RBFOX1: variants seen among roughly 807,000 people sequenced by gnomAD.
RBFOX1 encodes RNA binding fox-1 homolog 1, also known as RNA binding protein fox-1 homolog 1.
Under a neutral mutation model 57.7 loss-of-function variants are expected in RBFOX1, and 8 were observed. The observed-to-expected ratio is 0.14, with a 90% CI of 0.08 to 0.25. The LOEUF is 0.25. RBFOX1 is among the 10% of genes least tolerant of loss of function. The pLI is 1.00. For synonymous variants in RBFOX1, 326 were observed against 222.4 expected, an observed-to-expected ratio of 1.47 and a Z score of -4.15; for missense variants, 611 against 548.5, an observed-to-expected ratio of 1.11 and a Z score of -1.14.
chr16:7,565,086 C>T (rs935641575), intron 5 of RBFOX1, among the ~76,000 whole-genome samples: 1 of 152,060 alleles, frequency 6.6e-6, no homozygotes, highest in Non-Finnish European at 1.5e-5. Context: ...CTGCACGAGC[C>T]CCGTTTTGAA....
In RBFOX1 at chr16:6,831,103, A is replaced by G. The variant is rs1251071777; in HGVS notation, c.-16+176453A>G. On this transcript the variant is annotated intron_variant, in intron 3 of 15. Transcript: ENST00000550418. The stretch of plus-strand genomic sequence containing the variant: ...CTAAAGTAAAGCTGGATAGATTCAT[A>G]CTACTCCATTATCACTAAGGTTCAT... Among the ~76,000 whole-genome samples, 5 of 152,224 alleles carry G rather than the reference A, an allele frequency of 3.3e-5. No individual in the cohort carries two copies. In the East Asian group the frequency reaches 9.6e-4, roughly 29 times the overall value.
chr16:5,255,662 G>A (rs905734963), intron 1 of RBFOX1, among the ~76,000 whole-genome samples: 3 of 142,744 alleles, frequency 2.1e-5, no homozygotes, highest in Non-Finnish European at 3.1e-5. Context: ...CCATTCATTC[G>A]TCCACCTGCC....
intron 4 of RBFOX1, among the ~76,000 whole-genome samples, chr16:7,146,019 C>G (rs1222128009): frequency 6.6e-6 from 1 of 152,194 alleles, no homozygotes. Context: ...TGGCTAGGGG[C>G]TAAGAGTGCT....
At chr16:7,220,151 C>A (rs1422843189) in intron 4 of RBFOX1, among the ~76,000 whole-genome samples, 4 of 152,184 alleles carry the variant, frequency 2.6e-5, no homozygotes, top group Non-Finnish European at 5.9e-5. Context: ...CTCCCCTCCC[C>A]ACTCCCGACA....
intron 3 of RBFOX1, among the ~76,000 whole-genome samples, chr16:6,850,319 A>C (rs2093995622): frequency 6.6e-6 from 1 of 152,224 alleles, no homozygotes; most frequent in Admixed American, 6.5e-5. Flanking sequence ...ATGAAAGAAT[A>C]AACTACGTTG....
At chr16:6,370,846 T>A (rs996917394) in intron 2 of RBFOX1, among the ~76,000 whole-genome samples, 1 of 152,224 alleles carries the variant, frequency 6.6e-6, no homozygotes, top group African/African-American at 2.4e-5. Flanking sequence ...ATGTAATGTA[T>A]ATTTTGCTAC....
At chr16:7,540,921 A>T (rs547925539) in intron 5 of RBFOX1, among the ~76,000 whole-genome samples, 1 of 152,042 alleles carries the variant, frequency 6.6e-6, no homozygotes, top group South Asian at 2.1e-4. Context: ...TACCACTAAA[A>T]CCTGTGTCTT....
At chr16:5,834,937 G>A (rs978473065) in intron 3 of RBFOX1, among the ~76,000 whole-genome samples, 24 of 152,174 alleles carry the variant, frequency 1.6e-4, no homozygotes, top group African/African-American at 5.6e-4. Context: ...GTTTTCCACA[G>A]AGGTGTTACC....
intron 3 of RBFOX1, among the ~76,000 whole-genome samples, chr16:5,830,149 G>A (rs1287034488): frequency 1.3e-5 from 2 of 152,086 alleles, no homozygotes; most frequent in Non-Finnish European, 2.9e-5. Context: ...TGGATACATT[G>A]GCAGCTCAGG....
chr16:6,002,300 T>A (rs892582318), intron 4 of RBFOX1, among the ~76,000 whole-genome samples: 1 of 152,184 alleles, frequency 6.6e-6, no homozygotes, highest in South Asian at 2.1e-4. Context: ...TACGATTGTG[T>A]CTCTTTTGTC....
chr16:5,942,924 G>T (rs1295619528), intron 4 of RBFOX1, among the ~76,000 whole-genome samples: 4 of 152,180 alleles, frequency 2.6e-5, no homozygotes, highest in Non-Finnish European at 1.5e-5. Flanking sequence ...CAATGTCCCT[G>T]TCTGGTGCTG....
intron 4 of RBFOX1, among the ~76,000 whole-genome samples, chr16:7,370,991 G>C (rs539203315): frequency 3.2e-4 from 49 of 152,314 alleles, no homozygotes; most frequent in African/African-American, 1.1e-3. Context: ...TGTAGCATCA[G>C]CAGGACAGGT....
intron 14 of RBFOX1, 78 bp downstream of exon 14, chr16:7,676,916 C>A: frequency 7.2e-7 from 1 of 1,390,186 alleles, no homozygotes; most frequent in Non-Finnish European, 1.0e-6. Context: ...CTTGTATGGT[C>A]TTGGTGAAAC....
intron 3 of RBFOX1, among the ~76,000 whole-genome samples, chr16:6,961,161 ACG>A (rs71147627): frequency 1.1e-4 from 16 of 151,356 alleles, no homozygotes; most frequent in Non-Finnish European, 1.9e-4. Flanking sequence ...AGACACACAC[ACG>A]CAAAAGAAAG....
chr16:6,818,120 C>T (rs913298477), intron 3 of RBFOX1, among the ~76,000 whole-genome samples: 2 of 152,164 alleles, frequency 1.3e-5, no homozygotes, highest in Admixed American at 1.3e-4. Flanking sequence ...ACCCCTCCCT[C>T]TATGGAAGCC....
At chr16:7,262,885 C>T (rs1160327317) in intron 4 of RBFOX1, among the ~76,000 whole-genome samples, 1 of 152,212 alleles carries the variant, frequency 6.6e-6, no homozygotes, top group East Asian at 1.9e-4. Context: ...AACTTGTGTT[C>T]TTATTTGAAA....
At chr16:6,167,301 G>A (rs1413495247) in intron 1 of RBFOX1, among the ~76,000 whole-genome samples, 1 of 152,126 alleles carries the variant, frequency 6.6e-6, no homozygotes, top group African/African-American at 2.4e-5. Context: ...CCTACCCTTT[G>A]ACGTATAGCT....
intron 4 of RBFOX1, among the ~76,000 whole-genome samples, chr16:7,057,569 G>A (rs994089281): frequency 6.6e-6 from 1 of 152,216 alleles, no homozygotes; most frequent in Admixed American, 6.5e-5. Flanking sequence ...AAAGGAGCCT[G>A]ATTGGCTTAG....
At chr16:6,455,391 G>C (rs2094744819) in intron 2 of RBFOX1, among the ~76,000 whole-genome samples, 1 of 152,144 alleles carries the variant, frequency 6.6e-6, no homozygotes. Context: ...GCGGTCGTGG[G>C]AAAGGCTGCA....
Sources: allele counts gnomAD v4.1 joint callset (sites outside exome capture counted in the v4.1 genomes callset), GRCh38; gene constraint gnomAD v4.1.1; transcripts MANE v1.5; gene names NCBI Gene and HGNC (gene_info 2026-07-23, HGNC 2026-07-21).